PRKCE: variants seen among roughly 807,000 people sequenced by gnomAD.
PRKCE encodes protein kinase C epsilon.
A neutral mutation model predicts 85.4 loss-of-function variants in PRKCE; 16 were observed. The ratio of observed to expected loss-of-function variants is 0.19; its 90% CI spans 0.13 to 0.28. PRKCE has a LOEUF of 0.28. Ranked by LOEUF, PRKCE falls within the 10% of genes least tolerant of loss-of-function variation. The probability of loss-of-function intolerance (pLI) is 1.00; values close to 1 mark genes in which losing one functional copy is unlikely to be tolerated. For missense variants in PRKCE, 573 were observed against 975.2 expected, an observed-to-expected ratio of 0.59 and a Z score of 5.49; for synonymous variants, 388 against 371.5, an observed-to-expected ratio of 1.04 and a Z score of -0.51.
chr2:45,757,305 CAAAAAAAAA>C (rs35603923), intron 1 of PRKCE, among the ~76,000 whole-genome samples: 15 of 50,810 alleles, frequency 3.0e-4, no homozygotes, highest in African/African-American at 1.2e-3. Context: ...AGACTGTCTC[CAAAAAAAAA>C]AAAAAAAAAA....
rs573424161 is a variant in PRKCE at position 45,652,058 on chromosome 2, G to C, written c.-43G>C. On this transcript the variant is annotated 5_prime_UTR_variant, in exon 1 of 15. Transcript: ENST00000306156. The surrounding 1 kb of genome is among the most constrained non-coding windows in gnomAD (Gnocchi z 7.7). ...CCGTCGGTTCTTCATTCCTGCCCTCGGGGCAGACGGAGTGACCCCGGCCCC... is the reference window on the plus strand; with the variant it reads ...CCGTCGGTTCTTCATTCCTGCCCTCCGGGCAGACGGAGTGACCCCGGCCCC... The C allele has an allele frequency of 6.9e-7, 1 of 1,456,736 alleles. No homozygotes were observed. The highest frequency in any genetic ancestry group is 2.3e-5 in the East Asian group (1 of 43,606). The allele number at this position is 1,456,736 out of a possible 1,614,324, so 90.2% of individuals were successfully genotyped here.
chr2:45,707,048 A>T (rs1273099447), intron 1 of PRKCE, among the ~76,000 whole-genome samples: 1 of 152,142 alleles, frequency 6.6e-6, no homozygotes, highest in East Asian at 1.9e-4. Context: ...GTCTTGGCCA[A>T]CTCTGGAATT....
intron 1 of PRKCE, among the ~76,000 whole-genome samples, chr2:45,705,526 G>C (rs1308349735): frequency 2.6e-5 from 4 of 152,184 alleles, no homozygotes; most frequent in African/African-American, 4.8e-5. Flanking sequence ...AGCCCTCCGT[G>C]AGTAGAGGTT....
At chr2:45,906,089 G>A (rs1696951912) in intron 2 of PRKCE, among the ~76,000 whole-genome samples, 1 of 152,258 alleles carries the variant, frequency 6.6e-6, no homozygotes, top group South Asian at 2.1e-4. Context: ...AGACCCAGAT[G>A]CAGCGGCTTT....
At chr2:45,891,396 G>A (rs1431569672) in intron 2 of PRKCE, among the ~76,000 whole-genome samples, 1 of 152,206 alleles carries the variant, frequency 6.6e-6, no homozygotes, top group African/African-American at 2.4e-5. Context: ...ACCCTGCCAT[G>A]CCACAGGAAA....
chr2:45,685,982 A>C (rs936116865), intron 1 of PRKCE, among the ~76,000 whole-genome samples: 1 of 152,204 alleles, frequency 6.6e-6, no homozygotes, highest in South Asian at 2.1e-4. Context: ...CTATTTTAAA[A>C]TTTAAGTATA....
At chr2:46,002,279 A>G (rs149661521) in intron 7 of PRKCE, among the ~76,000 whole-genome samples, 289 of 152,342 alleles carry the variant, frequency 1.9e-3, no homozygotes, top group Non-Finnish European at 3.1e-3. Context: ...GAAAATTAGA[A>G]CCATGTTAAC....
At chr2:46,052,808 T>C (rs115567611) in intron 10 of PRKCE, among the ~76,000 whole-genome samples, 2 of 152,332 alleles carry the variant, frequency 1.3e-5, no homozygotes, top group African/African-American at 2.4e-5. Flanking sequence ...ACAGGACATA[T>C]AGGTCAACAG....
chr2:45,695,761 AC>A (rs1572969023), intron 1 of PRKCE, among the ~76,000 whole-genome samples: 1 of 152,180 alleles, frequency 6.6e-6, no homozygotes, highest in East Asian at 1.9e-4. Context: ...ATGGAGTGAG[AC>A]TCCGTCTCAA....
At chr2:46,081,226 C>T (rs927142758) in intron 10 of PRKCE, among the ~76,000 whole-genome samples, 3 of 152,206 alleles carry the variant, frequency 2.0e-5, no homozygotes, top group Non-Finnish European at 2.9e-5. Context: ...CCTGCCACCT[C>T]AGCCTCCCAA....
At chr2:46,043,125 C>A (rs545461560) in intron 10 of PRKCE, among the ~76,000 whole-genome samples, 1 of 149,562 alleles carries the variant, frequency 6.7e-6, no homozygotes, top group African/African-American at 2.5e-5. Flanking sequence ...TCAAGGTGTT[C>A]TGTAAATATG....
At chr2:45,712,608 A>G (rs1023749650) in intron 1 of PRKCE, among the ~76,000 whole-genome samples, 1 of 152,168 alleles carries the variant, frequency 6.6e-6, no homozygotes, top group African/African-American at 2.4e-5. Flanking sequence ...GGCTGGTCCC[A>G]CTGACAGTTG....
chr2:45,823,451 G>A (rs1436374431), intron 1 of PRKCE, among the ~76,000 whole-genome samples: 2 of 152,238 alleles, frequency 1.3e-5, no homozygotes, highest in Admixed American at 6.5e-5. Context: ...GCCATTCACT[G>A]ACAGATTAAT....
rs1313103655 is a variant in PRKCE at position 45,895,827 on chromosome 2, G to A, written c.412+52764G>A. The stretch of plus-strand genomic sequence containing the variant: ...GGTGCGCAGGTGTAGAGGAAGTGCT[G>A]TAGGGCCGCAGGGGTTGGGGCTGTG... On this transcript the variant is annotated intron_variant, in intron 2 of 14. Transcript: ENST00000306156. This position sits in a 1 kb window ranked among gnomAD's most constrained non-coding sequence, Gnocchi z 4.8. Among the ~76,000 whole-genome samples, 2 of 152,124 alleles carry A rather than the reference G, an allele frequency of 1.3e-5. No homozygotes were observed. The highest frequency in any genetic ancestry group is 2.9e-5 in the Non-Finnish European group (2 of 68,006).
At chr2:46,180,493 C>G (rs573510554) in intron 14 of PRKCE, among the ~76,000 whole-genome samples, 2 of 152,192 alleles carry the variant, frequency 1.3e-5, no homozygotes, top group Non-Finnish European at 2.9e-5. Context: ...TTCAGGCAGG[C>G]CCAGGCTCAG....
In PRKCE at chr2:45,843,073, C is replaced by A. The variant is rs1346195416; in HGVS notation, c.412+10C>A. On this transcript the variant is annotated intron_variant, in intron 2 of 14. Coordinates refer to ENST00000306156, the MANE Select transcript of PRKCE (RefSeq NM_005400.3). ...GGGTCGTCGGGTGAAGGTAGGAGAG[C>A]GTGACTTCTCATCCCTGTTTTCTTC... The A allele has an allele frequency of 2.5e-6, 4 of 1,612,508 alleles. No individual in the cohort carries two copies. In the South Asian group the frequency reaches 3.3e-5, roughly 13 times the overall value.
intron 1 of PRKCE, among the ~76,000 whole-genome samples, chr2:45,807,973 G>A (rs1688368791): frequency 1.3e-5 from 2 of 151,828 alleles, no homozygotes; most frequent in African/African-American, 2.4e-5. Flanking sequence ...CTCCCTTGCT[G>A]TGCCACCCCC....
chr2:46,171,518 C>G (rs1326257467), intron 14 of PRKCE, among the ~76,000 whole-genome samples: 1 of 152,172 alleles, frequency 6.6e-6, no homozygotes, highest in East Asian at 1.9e-4. Context: ...TCATGGGAGG[C>G]AGGATAGTAC....
At chr2:45,795,850 CG>C (rs1687396373) in intron 1 of PRKCE, among the ~76,000 whole-genome samples, 1 of 152,120 alleles carries the variant, frequency 6.6e-6, no homozygotes, top group African/African-American at 2.4e-5. Context: ...TGAGACCCCC[CG>C]CAGAGTTGTC....
Sources: gnomAD v4.1 joint callset for allele counts (sites outside exome capture counted in the v4.1 genomes callset) on GRCh38, gnomAD v4.1.1 for gene constraint, Gnocchi (gnomAD v3.1) non-coding constraint, MANE v1.5 for transcripts, NCBI Gene and HGNC (gene_info 2026-07-23, HGNC 2026-07-21) for gene names.